The following ROCK2 variants were observed in gnomAD, a reference collection of about 807,000 sequenced individuals.
ROCK2 encodes Rho associated coiled-coil containing protein kinase 2.
A neutral mutation model predicts 195.1 loss-of-function variants in ROCK2; 61 were observed. That is an observed-to-expected ratio of 0.31 (90% confidence interval 0.25 to 0.39). ROCK2 has a LOEUF of 0.39. ROCK2 is among the 10% of genes least tolerant of loss of function. The pLI is 1.00. For missense variants in ROCK2, 1,109 were observed against 1,637.4 expected (o/e 0.68, Z 5.57); for synonymous variants, 504 against 545.5 (o/e 0.92, Z 1.06).
At chr2:11,220,047 G>A (rs192409259) in intron 9 of ROCK2, among the ~76,000 whole-genome samples, 5 of 151,690 alleles carry the variant, frequency 3.3e-5, no homozygotes, top group South Asian at 2.1e-4. Flanking sequence ...ATGGAGTTTC[G>A]CTCTTGTTGC....
At chr2:11,327,217 T>G (rs566917931) in intron 1 of ROCK2, among the ~76,000 whole-genome samples, 2 of 152,050 alleles carry the variant, frequency 1.3e-5, no homozygotes, top group African/African-American at 2.4e-5. Flanking sequence ...AAGTTTAAAG[T>G]GATGGAAAAT....
chr2:11,249,775 C>T lies in ROCK2; in HGVS notation c.348G>A (p.Lys116=), dbSNP rs565970913. The part of the protein sequence containing the change: ...VQLVRHKASQ[K]VYAMKLLSKF... ...TACTAAGAAGCTTCATAGCATAAAC[C>T]TTCTGCGATGCCTTGTGACGAACCT... is the stretch of plus-strand genomic sequence containing the variant. The change falls in exon 4 of 33, where the codon AAG becomes AAA. Residue 116 remains lysine (K), a synonymous_variant. Transcript: ENST00000315872. 9.3e-5 allele frequency: 144 copies of T among 1,550,938 alleles called. No homozygotes were observed. In the South Asian group the frequency reaches 1.8e-3, roughly 19 times the overall value.
chr2:11,264,384 A>G (rs1167923602), intron 3 of ROCK2, among the ~76,000 whole-genome samples: 1 of 126,952 alleles, frequency 7.9e-6, no homozygotes, highest in African/African-American at 2.5e-5. Context: ...ATTAACTATA[A>G]GAGTTGACAG....
chr2:11,180,951 T>C lies in ROCK2; in HGVS notation c.*2486A>G, dbSNP rs545354703. The C allele has an allele frequency of 2.4e-4, 37 of 152,134 alleles. No homozygotes were observed. The highest frequency in any genetic ancestry group is 7.5e-4 in the African/African-American group (31 of 41,528). The allele number at this position is 152,134 out of a possible 1,614,324, so 9.4% of individuals were successfully genotyped here. On this transcript the variant is annotated 3_prime_UTR_variant, in exon 33 of 33. Transcript: ENST00000315872. ...CCTTATAAACCCTTATGTCAAACCA[T>C]ATAATGTGAAGAATCTCCATGGGAG...
intron 5 of ROCK2, among the ~76,000 whole-genome samples, chr2:11,229,507 T>C (rs1222454322): frequency 2.6e-5 from 4 of 151,292 alleles, no homozygotes; most frequent in African/African-American, 9.7e-5. Flanking sequence ...GACTCTTCTC[T>C]GAGCATACAT....
chr2:11,289,109 T>C (rs1423752313), intron 1 of ROCK2, among the ~76,000 whole-genome samples: 1 of 152,148 alleles, frequency 6.6e-6, no homozygotes, highest in South Asian at 2.1e-4. Flanking sequence ...AACAAAATGA[T>C]TTATATCCCA....
chr2:11,323,968 T>A (rs1200784815), intron 1 of ROCK2, among the ~76,000 whole-genome samples: 2 of 152,226 alleles, frequency 1.3e-5, no homozygotes, highest in African/African-American at 4.8e-5. Flanking sequence ...GTGTTTTCAC[T>A]GCCCTAAGAA....
chr2:11,217,346 A>G (rs1469288255), intron 11 of ROCK2, 177 bp from the exon 12 acceptor site: 2 of 702,238 alleles, frequency 2.8e-6, no homozygotes, highest in African/African-American at 3.5e-5. Flanking sequence ...AAACTCCCCC[A>G]TCTCTTGCTT....
intron 3 of ROCK2, among the ~76,000 whole-genome samples, chr2:11,279,973 T>G (rs1252183589): frequency 6.6e-6 from 1 of 152,128 alleles, no homozygotes; most frequent in African/African-American, 2.4e-5. Context: ...AAAATATATT[T>G]TGAAATAAAT....
rs1035569732 is a variant in ROCK2 at position 11,182,114 on chromosome 2, C to T, written c.*1323G>A. On this transcript the variant is annotated 3_prime_UTR_variant, in exon 33 of 33. Transcript: ENST00000315872. ...GATCATGAGAATACGGCAAGAATGT[C>T]CTGCGTAAACTGTAACTTTGACAGC... 6.6e-5 allele frequency: 10 copies of T among 151,986 alleles called. No individual in the cohort carries two copies. The highest frequency in any genetic ancestry group is 1.5e-4 in the Non-Finnish European group (10 of 67,992). 9.4% of individuals were successfully genotyped at this position (151,986 alleles called of 1,614,324 possible). A position where few individuals can be genotyped will look rare whatever the true frequency, so the allele number is the denominator to read the frequency against.
Position 11,260,594 on chromosome 2 carries a change from A to T in ROCK2, c.325-10796T>A, listed in dbSNP as rs575033484. 2.8e-3 allele frequency among the ~76,000 whole-genome samples: 426 copies of T among 152,316 alleles called. 1 individual carries two copies. Among genetic ancestry groups the T allele is most frequent in the African/African-American group, 1.0e-2 (414 of 41,568 alleles). On this transcript the variant is annotated intron_variant, in intron 3 of 32. Coordinates refer to ENST00000315872, the MANE Select transcript of ROCK2 (RefSeq NM_004850.5). The stretch of plus-strand genomic sequence containing the variant: ...CATTAGAGAAAGCAATCCATACAAC[A>T]TTAAGAGCCAATTTTAATTTATACA...
chr2:11,328,245 T>C (rs1456975093), intron 1 of ROCK2, among the ~76,000 whole-genome samples: 1 of 152,160 alleles, frequency 6.6e-6, no homozygotes, highest in Admixed American at 6.5e-5. Context: ...ATGCCAACAA[T>C]TTTCATTCAT....
rs1231438319 is a variant in ROCK2 at position 11,194,963 on chromosome 2, C to T, written c.3511G>A (p.Val1171Ile). Residue 1171 changes from valine to isoleucine, a missense_variant, in exon 28 of 33, where the codon GTT (valine) becomes ATT (isoleucine). Coordinates refer to ENST00000315872, the MANE Select transcript of ROCK2 (RefSeq NM_004850.5). ...VRNNTKKFGWVKKYVIVSSKK... is the reference protein window; with the variant it reads ...VRNNTKKFGWIKKYVIVSSKK... The stretch of plus-strand genomic sequence containing the variant: ...TCCAAAGTATCAATTACCTTTTTAA[C>T]CCATCCAAATTTCTTAGTGTTGTTT... 3 of 1,565,852 alleles carry T rather than the reference C, an allele frequency of 1.9e-6. No individual in the cohort carries two copies. In the South Asian group the frequency reaches 3.6e-5, roughly 19 times the overall value.
chr2:11,309,974 A>AC (rs1667983277), intron 1 of ROCK2, among the ~76,000 whole-genome samples: 1 of 152,182 alleles, frequency 6.6e-6, no homozygotes, highest in Non-Finnish European at 1.5e-5. Flanking sequence ...TCCAAAAAAA[A>AC]CAAAAAAAAG....
At chr2:11,277,577 G>A (rs1446100311) in intron 3 of ROCK2, among the ~76,000 whole-genome samples, 1 of 152,154 alleles carries the variant, frequency 6.6e-6, no homozygotes, top group Non-Finnish European at 1.5e-5. Context: ...GAGAACATAC[G>A]ATATTTGGTT....
intron 1 of ROCK2, among the ~76,000 whole-genome samples, chr2:11,322,123 T>C (rs1021900369): frequency 6.6e-5 from 10 of 152,000 alleles, no homozygotes; most frequent in Non-Finnish European, 1.0e-4. Flanking sequence ...AAACCAAACC[T>C]GCCAACACCT....
At chr2:11,204,465 G>C (rs953978930) in intron 20 of ROCK2, among the ~76,000 whole-genome samples, 1 of 152,028 alleles carries the variant, frequency 6.6e-6, no homozygotes, top group Non-Finnish European at 1.5e-5. Flanking sequence ...TCAGTCTAAA[G>C]ACATTTCTCC....
At chr2:11,306,617 T>C (rs78386663) in intron 1 of ROCK2, among the ~76,000 whole-genome samples, 18 of 152,266 alleles carry the variant, frequency 1.2e-4, no homozygotes, top group African/African-American at 4.1e-4. Flanking sequence ...TAAGAATCAA[T>C]TGCAAAATAA....
chr2:11,186,804 G>T (rs539546955), intron 32 of ROCK2, among the ~76,000 whole-genome samples: 2 of 152,126 alleles, frequency 1.3e-5, no homozygotes, highest in African/African-American at 2.4e-5. Context: ...GCTTGGAACT[G>T]ATTTTCCCTT....
Sources: allele counts gnomAD v4.1 joint callset (sites outside exome capture counted in the v4.1 genomes callset), GRCh38; gene constraint gnomAD v4.1.1; transcripts MANE v1.5; gene names NCBI Gene and HGNC (gene_info 2026-07-23, HGNC 2026-07-21).